DENND1B: variants seen among roughly 807,000 people sequenced by gnomAD.
The protein encoded by DENND1B is DENN domain-containing protein 1B.
Under a neutral mutation model 90.1 loss-of-function variants are expected in DENND1B, and 59 were observed. That is an observed-to-expected ratio of 0.65 (90% CI 0.53 to 0.81). The LOEUF (loss-of-function observed/expected upper bound fraction) is 0.81. Ranked by LOEUF, DENND1B falls within the 40% of genes least tolerant of loss-of-function variation. The probability of loss-of-function intolerance (pLI) is 0.00; values close to 1 mark genes in which losing one functional copy is unlikely to be tolerated. For synonymous variants in DENND1B, 337 were observed against 324.6 expected, an observed-to-expected ratio of 1.04 and a Z score of -0.41; for missense variants, 862 against 912.6, an observed-to-expected ratio of 0.94 and a Z score of 0.71.
intron 14 of DENND1B, among the ~76,000 whole-genome samples, chr1:197,594,114 C>A (rs1675478531): frequency 6.6e-6 from 1 of 152,078 alleles, no homozygotes; most frequent in Non-Finnish European, 1.5e-5. Context: ...ATACACATAT[C>A]TCAAAAAGAT....
intron 10 of DENND1B, among the ~76,000 whole-genome samples, chr1:197,633,881 C>A (rs893470082): frequency 3.9e-5 from 6 of 152,136 alleles, no homozygotes; most frequent in African/African-American, 1.2e-4. Flanking sequence ...AATAGCTTCA[C>A]CTTAGGAGGC....
chr1:197,656,183 T>A (rs12746503), intron 6 of DENND1B, among the ~76,000 whole-genome samples: 11,986 of 151,980 alleles, frequency 0.079, 686 homozygotes, highest in Middle Eastern at 0.16. Context: ...AGAGTGTGTC[T>A]GAAATACCCA....
intron 13 of DENND1B, among the ~76,000 whole-genome samples, chr1:197,597,771 T>C (rs1558287966): frequency 6.6e-6 from 1 of 151,634 alleles, no homozygotes; most frequent in Non-Finnish European, 1.5e-5. Flanking sequence ...GTGTAGAAAA[T>C]AGGAAAAGAA....
intron 5 of DENND1B, among the ~76,000 whole-genome samples, chr1:197,668,697 C>T (rs984030803): frequency 6.6e-6 from 1 of 151,634 alleles, no homozygotes. Context: ...TAGCATTTTT[C>T]CTACTATAAA....
intron 15 of DENND1B, among the ~76,000 whole-genome samples, chr1:197,574,389 G>A (rs954348641): frequency 1.3e-5 from 2 of 152,182 alleles, no homozygotes; most frequent in African/African-American, 4.8e-5. Context: ...TACAAGGGAT[G>A]TGAAGGACCT....
At chr1:197,655,420 G>A (rs1446870394) in intron 6 of DENND1B, among the ~76,000 whole-genome samples, 3 of 152,126 alleles carry the variant, frequency 2.0e-5, no homozygotes, top group Admixed American at 6.6e-5. Flanking sequence ...CAGTGTAAAT[G>A]CTCTTGAAAC....
intron 3 of DENND1B, chr1:197,690,188 C>G: frequency 3.4e-6 from 1 of 290,678 alleles, no homozygotes; most frequent in Non-Finnish European, 6.8e-6. Context: ...ATGTGGGCTT[C>G]GATGTCAAGA....
At chr1:197,607,267 T>C in intron 12 of DENND1B, 93 bp from the exon 13 acceptor site, 1 of 808,952 alleles carries the variant, frequency 1.2e-6, no homozygotes, top group Non-Finnish European at 1.8e-6. Flanking sequence ...TCTTAATGCA[T>C]TAGGCTTGGG....
intron 7 of DENND1B, among the ~76,000 whole-genome samples, chr1:197,649,082 G>T (rs1446171909): frequency 6.6e-6 from 1 of 152,198 alleles, no homozygotes; most frequent in East Asian, 1.9e-4. Flanking sequence ...CAAAGTTGAA[G>T]ACTGAGCAAG....
chr1:197,666,056 T>G (rs1472219598), intron 5 of DENND1B, among the ~76,000 whole-genome samples: 1 of 152,120 alleles, frequency 6.6e-6, no homozygotes, highest in African/African-American at 2.4e-5. Flanking sequence ...ATTAACATAT[T>G]TTAACATCCA....
At chr1:197,768,339 A>G (rs1655982210) in intron 2 of DENND1B, among the ~76,000 whole-genome samples, 2 of 152,300 alleles carry the variant, frequency 1.3e-5, no homozygotes, top group South Asian at 4.1e-4. Flanking sequence ...AGAGAAAGCT[A>G]GAGTACCAAG....
At chr1:197,601,203 C>CA (rs1676176092) in intron 13 of DENND1B, among the ~76,000 whole-genome samples, 1 of 150,872 alleles carries the variant, frequency 6.6e-6, no homozygotes, top group Non-Finnish European at 1.5e-5. Flanking sequence ...GTTCTTAGCA[C>CA]AATGCGTGTA....
chr1:197,604,488 A>ATC (rs1445906269), intron 13 of DENND1B, among the ~76,000 whole-genome samples: 2 of 151,246 alleles, frequency 1.3e-5, no homozygotes, highest in Non-Finnish European at 3.0e-5. Context: ...CCACAGGAAA[A>ATC]AAGAACTAGT....
intron 11 of DENND1B, among the ~76,000 whole-genome samples, chr1:197,615,403 T>G (rs1163705577): frequency 6.6e-6 from 1 of 151,010 alleles, no homozygotes; most frequent in Admixed American, 6.6e-5. Context: ...GAGCTACCAG[T>G]TGCAAAAACA....
intron 2 of DENND1B, among the ~76,000 whole-genome samples, chr1:197,745,615 A>AT (rs1199139995): frequency 9.2e-5 from 11 of 119,336 alleles, no homozygotes; most frequent in African/African-American, 1.5e-4. Context: ...CCATATATAT[A>AT]TTATATATAT....
intron 13 of DENND1B, among the ~76,000 whole-genome samples, chr1:197,596,917 C>G (rs1675750123): frequency 6.6e-6 from 1 of 151,814 alleles, no homozygotes; most frequent in Non-Finnish European, 1.5e-5. Flanking sequence ...GTGATCTGAT[C>G]AAAGAAACAG....
chr1:197,573,651 AAG>A, intron 15 of DENND1B, among the ~76,000 whole-genome samples: 1 of 152,342 alleles, frequency 6.6e-6, no homozygotes, highest in Middle Eastern at 3.4e-3. Flanking sequence ...ACAACAAAAA[AAG>A]AGAATTTTAG....
chr1:197,647,663 AC>A (rs1373290599), intron 7 of DENND1B, among the ~76,000 whole-genome samples: 1 of 152,146 alleles, frequency 6.6e-6, no homozygotes, highest in East Asian at 1.9e-4. Flanking sequence ...AGATATTATA[AC>A]TAGGCCAGAT....
intron 20 of DENND1B, among the ~76,000 whole-genome samples, chr1:197,513,975 C>T (rs1013829551): frequency 2.6e-5 from 4 of 151,604 alleles, no homozygotes; most frequent in African/African-American, 9.7e-5. Context: ...TTGATATGTG[C>T]ATTTTTACTG....
Sources: gnomAD v4.1 joint callset for allele counts (sites outside exome capture counted in the v4.1 genomes callset) on GRCh38, gnomAD v4.1.1 for gene constraint, MANE v1.5 for transcripts, NCBI Gene and HGNC (gene_info 2026-07-23, HGNC 2026-07-21) for gene names.